Variants in GXYLT2 observed in about 807,000 individuals in gnomAD.
The protein encoded by GXYLT2 is glucoside xylosyltransferase 2, also known as glycosyltransferase 8 domain containing 4.
In GXYLT2, 53 loss-of-function variants were observed where a neutral mutation model predicts 45.8. That is an observed-to-expected ratio of 1.16 (90% CI 0.93 to 1.46). GXYLT2 has a LOEUF of 1.46. Among genes scored for constraint, GXYLT2 ranks in the 40% most tolerant of loss-of-function variants. The probability of loss-of-function intolerance (pLI) is 0.00; values close to 1 mark genes in which losing one functional copy is unlikely to be tolerated. For synonymous variants in GXYLT2, 219 were observed against 214.2 expected (o/e 1.02, Z -0.19); for missense variants, 551 against 544.4 (o/e 1.01, Z -0.12).
rs1413046191 is a variant in GXYLT2 at position 72,914,611 on chromosome 3, G to C, written c.468+6052G>C. On this transcript the variant is annotated intron_variant, in intron 2 of 6. Coordinates refer to ENST00000389617, the MANE Select transcript of GXYLT2 (RefSeq NM_001080393.2). The stretch of plus-strand genomic sequence containing the variant: ...TGTGCCCATGTGCGTGTGTGTGAGG[G>C]GGTGGCAAGAAGAGAGCTGCCATGG... Among the ~76,000 whole-genome samples, 3 of 152,128 alleles carry C rather than the reference G, an allele frequency of 2.0e-5. No homozygotes were observed. In the South Asian group the frequency reaches 6.2e-4, roughly 31 times the overall value.
chr3:72,964,349 G>C (rs1710821703), intron 5 of GXYLT2, among the ~76,000 whole-genome samples: 1 of 151,722 alleles, frequency 6.6e-6, no homozygotes, highest in Non-Finnish European at 1.5e-5. Context: ...TTGAGACAGA[G>C]TCTTGCTTTG....
At chr3:72,929,580 A>G in intron 3 of GXYLT2, 1 of 1,088,816 alleles carries the variant, frequency 9.2e-7, no homozygotes, top group Non-Finnish European at 1.4e-6. Context: ...GCTGGGAGAC[A>G]GTGATAACGA....
chr3:72,944,314 A>G (rs1414750347), intron 3 of GXYLT2, among the ~76,000 whole-genome samples: 1 of 148,172 alleles, frequency 6.7e-6, no homozygotes, highest in East Asian at 2.0e-4. Flanking sequence ...GAGTGCAGTG[A>G]CACAATCTCA....
At chr3:72,962,417 A>G (rs1178808206) in intron 5 of GXYLT2, among the ~76,000 whole-genome samples, 1 of 152,202 alleles carries the variant, frequency 6.6e-6, no homozygotes, top group Non-Finnish European at 1.5e-5. Context: ...GTTTGGTTGA[A>G]TGAATGGAAT....
chr3:72,939,719 C>T (rs1392383944), intron 3 of GXYLT2, among the ~76,000 whole-genome samples: 2 of 147,358 alleles, frequency 1.4e-5, no homozygotes, highest in African/African-American at 2.5e-5. Context: ...CTCAGTCTGT[C>T]GCCCAGGCTG....
chr3:72,922,517 G>A (rs920609469), intron 3 of GXYLT2, among the ~76,000 whole-genome samples, 182 bp downstream of exon 3: 20 of 152,140 alleles, frequency 1.3e-4, no homozygotes, highest in Non-Finnish European at 1.3e-4. Context: ...TTGTCATACC[G>A]AAAGACTGAG....
chr3:72,936,513 G>A (rs1023850968), intron 3 of GXYLT2, among the ~76,000 whole-genome samples: 3 of 151,894 alleles, frequency 2.0e-5, no homozygotes, highest in Admixed American at 6.6e-5. Flanking sequence ...GGTGTAGTAT[G>A]CCTGTAGTCC....
intron 6 of GXYLT2, among the ~76,000 whole-genome samples, chr3:72,973,146 G>A (rs1711027669): frequency 6.6e-6 from 1 of 152,138 alleles, no homozygotes; most frequent in Non-Finnish European, 1.5e-5. Flanking sequence ...GAGTTCAAAA[G>A]GTGTAAAAAG....
intron 2 of GXYLT2, among the ~76,000 whole-genome samples, chr3:72,916,031 T>G (rs1367691858): frequency 7.2e-5 from 11 of 151,952 alleles, no homozygotes; most frequent in African/African-American, 2.4e-4. Flanking sequence ...CATGGTCATT[T>G]GGCACCTCCC....
chr3:72,947,733 G>C (rs568538274), intron 3 of GXYLT2, among the ~76,000 whole-genome samples: 1 of 152,168 alleles, frequency 6.6e-6, no homozygotes, highest in African/African-American at 2.4e-5. Context: ...CCCAGGAGGC[G>C]GAGGTTGCAG....
intron 3 of GXYLT2, among the ~76,000 whole-genome samples, chr3:72,945,010 T>C (rs1710376803): frequency 6.6e-6 from 1 of 152,006 alleles, no homozygotes; most frequent in South Asian, 2.1e-4. Context: ...ACAGATCTTC[T>C]CGTCACTTAG....
intron 3 of GXYLT2, among the ~76,000 whole-genome samples, chr3:72,938,003 A>G (rs1710223318): frequency 6.6e-6 from 1 of 152,210 alleles, no homozygotes; most frequent in Non-Finnish European, 1.5e-5. Context: ...TCATGCCTAC[A>G]GTCCCAGCAT....
intron 3 of GXYLT2, among the ~76,000 whole-genome samples, chr3:72,946,288 A>G (rs1001245361): frequency 4.7e-5 from 5 of 105,774 alleles, no homozygotes; most frequent in Admixed American, 2.2e-4. Context: ...AAAAAAAAAA[A>G]AAAAAAAAAA....
chr3:72,951,474 G>A (rs577735378), intron 3 of GXYLT2, among the ~76,000 whole-genome samples: 22 of 152,308 alleles, frequency 1.4e-4, no homozygotes, highest in African/African-American at 4.8e-4. Context: ...GCCAGCCACT[G>A]TACTGAGTAC....
intron 1 of GXYLT2, among the ~76,000 whole-genome samples, chr3:72,904,018 C>A (rs1165612014): frequency 2.0e-5 from 3 of 152,198 alleles, no homozygotes; most frequent in Non-Finnish European, 2.9e-5. Flanking sequence ...TAAGCTGACT[C>A]CTGTTCAGGC....
chr3:72,912,235 C>A (rs1172018583), intron 2 of GXYLT2, among the ~76,000 whole-genome samples: 1 of 151,910 alleles, frequency 6.6e-6, no homozygotes, highest in African/African-American at 2.4e-5. Context: ...GTCTCGAACA[C>A]CTGACCTCAA....
At chr3:72,898,128 T>G (rs1245744125) in intron 1 of GXYLT2, among the ~76,000 whole-genome samples, 1 of 152,230 alleles carries the variant, frequency 6.6e-6, no homozygotes, top group Non-Finnish European at 1.5e-5. Flanking sequence ...TTCTATGATA[T>G]ATGCACTACT....
At chr3:72,921,095 A>G (rs892496920) in intron 2 of GXYLT2, among the ~76,000 whole-genome samples, 6 of 152,058 alleles carry the variant, frequency 3.9e-5, no homozygotes, top group Non-Finnish European at 8.8e-5. Flanking sequence ...TGCTGAGATT[A>G]CAGGTGTGAG....
At chr3:72,968,353 A>T (rs1201650754) in intron 6 of GXYLT2, among the ~76,000 whole-genome samples, 1 of 152,206 alleles carries the variant, frequency 6.6e-6, no homozygotes, top group Non-Finnish European at 1.5e-5. Context: ...ATTAGACAAT[A>T]AAAAGAAAAT....
Sources: allele counts gnomAD v4.1 joint callset (sites outside exome capture counted in the v4.1 genomes callset), GRCh38; gene constraint gnomAD v4.1.1; transcripts MANE v1.5; gene names NCBI Gene and HGNC (gene_info 2026-07-23, HGNC 2026-07-21).